The following N4BP1 variants were observed in gnomAD, a reference collection of about 807,000 sequenced individuals.
N4BP1 encodes NEDD4 binding protein 1.
N4BP1 carries 21 observed loss-of-function variants against 70.9 expected under a neutral mutation model. That is an observed-to-expected ratio of 0.30 (90% CI 0.21 to 0.43). N4BP1 has a LOEUF of 0.43. Ranked by LOEUF, N4BP1 falls within the 20% of genes least tolerant of loss-of-function variation. The pLI is 1.00. For missense variants in N4BP1, 936 were observed against 1,069.4 expected, an observed-to-expected ratio of 0.88 and a Z score of 1.74; for synonymous variants, 387 against 394.6, an observed-to-expected ratio of 0.98 and a Z score of 0.23.
intron 1 of N4BP1, among the ~76,000 whole-genome samples, chr16:48,589,397 C>G (rs961447705): frequency 6.6e-6 from 1 of 152,072 alleles, no homozygotes; most frequent in African/African-American, 2.4e-5. Context: ...TAATCAATCA[C>G]GCCTATGTAA....
Position 48,548,065 on chromosome 16 carries a change from C to T in N4BP1, c.2167G>A (p.Asp723Asn). The T allele has an allele frequency of 6.2e-7, 1 of 1,612,986 alleles. No homozygotes were observed. Among genetic ancestry groups the T allele is most frequent in the Non-Finnish European group, 8.5e-7 (1 of 1,178,970 alleles). ...DKTGGIIVTN[D>N]NFREFVNESV... is the part of the protein sequence containing the mutation. The stretch of plus-strand genomic sequence containing the variant: ...TCATTCACAAATTCTCTGAAATTAT[C>T]ATTTGTCACAATTATGCCACCAGTT... Residue 723 changes from aspartate (D) to asparagine (N), a missense_variant, in exon 5 of 7, where the codon GAT becomes AAT. Transcript: ENST00000262384.
intron 1 of N4BP1, among the ~76,000 whole-genome samples, chr16:48,598,438 C>T (rs1008718391): frequency 3.9e-5 from 6 of 151,982 alleles, no homozygotes; most frequent in Non-Finnish European, 7.4e-5. Flanking sequence ...GTAAAAAAAT[C>T]ATTGATAGGG....
At chr16:48,552,284 C>A (rs1217100499) in intron 3 of N4BP1, among the ~76,000 whole-genome samples, 1 of 152,054 alleles carries the variant, frequency 6.6e-6, no homozygotes, top group Non-Finnish European at 1.5e-5. Context: ...GTCAAAGCTA[C>A]ATTTTAGAAA....
At chr16:48,564,737 G>T (rs1312318293) in intron 1 of N4BP1, among the ~76,000 whole-genome samples, 2 of 152,154 alleles carry the variant, frequency 1.3e-5, no homozygotes, top group African/African-American at 4.8e-5. Flanking sequence ...ACAATTATGT[G>T]TCAGCAAGTG....
At chr16:48,566,835 A>G (rs1478879209) in intron 1 of N4BP1, among the ~76,000 whole-genome samples, 1 of 152,202 alleles carries the variant, frequency 6.6e-6, no homozygotes, top group Non-Finnish European at 1.5e-5. Flanking sequence ...TGGATTTATC[A>G]AGTTCTCCTT....
At chr16:48,544,224 C>A (rs1383019155) in intron 6 of N4BP1, among the ~76,000 whole-genome samples, 2 of 152,210 alleles carry the variant, frequency 1.3e-5, no homozygotes, top group African/African-American at 4.8e-5. Flanking sequence ...TGTCATAAAA[C>A]CCAAAGGCTC....
At position 48,539,730 on chromosome 16, in the gene N4BP1, GA is replaced by G. The variant is rs1335283164; in HGVS notation, c.*3173del. The G allele has an allele frequency of 6.6e-6, 1 of 152,484 alleles. No homozygotes were observed. Among genetic ancestry groups the G allele is most frequent in the African/African-American group, 2.4e-5 (1 of 41,580 alleles). The allele number at this position is 152,484 out of a possible 1,614,324, so 9.4% of individuals were successfully genotyped here. A position where few individuals can be genotyped will look rare whatever the true frequency, so the allele number is the denominator to read the frequency against. Reference sequence around the variant, plus strand: ...CACCACCACGAGCCCCAAAGGTGGGGAAAAGTCTGCAAGCCACCTGCAGAGG... The same window carrying G: ...CACCACCACGAGCCCCAAAGGTGGGGAAAGTCTGCAAGCCACCTGCAGAGG... On this transcript the variant is annotated 3_prime_UTR_variant, in exon 7 of 7. Coordinates refer to ENST00000262384, the MANE Select transcript of N4BP1 (RefSeq NM_153029.4).
In N4BP1 at chr16:48,562,063, C is replaced by G; in HGVS notation, c.580G>C (p.Glu194Gln). The G allele has an allele frequency of 6.2e-7, 1 of 1,613,588 alleles. No individual in the cohort carries two copies. The change falls in exon 2 of 7, where the codon GAG becomes CAG. Residue 194 changes from glutamate (E) to glutamine (Q), a missense_variant. Coordinates refer to ENST00000262384, the MANE Select transcript of N4BP1 (RefSeq NM_153029.4). ...KELLTLTQGE[E>Q]NLFETGDDEV... ...TCATCTCCTGTTTCAAAGAGATTCTCCTCACCTTGTGTGAGTGTCAAAAGT... is the reference window on the plus strand; with the variant it reads ...TCATCTCCTGTTTCAAAGAGATTCTGCTCACCTTGTGTGAGTGTCAAAAGT...
In N4BP1 at chr16:48,561,873, C is replaced by G; in HGVS notation, c.770G>C (p.Ser257Thr). 1 of 1,613,892 alleles carries G rather than the reference C, an allele frequency of 6.2e-7. No individual in the cohort carries two copies. The highest frequency in any genetic ancestry group is 1.1e-5 in the South Asian group (1 of 91,082). ...LTKQMDTVLS[S>T]SPDVLFDPIN... ...TGGATCAAAAAGCACATCTGGTGAG[C>G]TAGAAAGGACTGTGTCCATTTGTTT... Residue 257 changes from serine (S) to threonine (T), a missense_variant, in exon 2 of 7, where the codon AGC (serine) becomes ACC (threonine). Coordinates refer to ENST00000262384, the MANE Select transcript of N4BP1 (RefSeq NM_153029.4).
intron 1 of N4BP1, among the ~76,000 whole-genome samples, chr16:48,570,280 T>C (rs1197424926): frequency 6.6e-6 from 1 of 152,164 alleles, no homozygotes; most frequent in Non-Finnish European, 1.5e-5. Context: ...GGTGGAGCTG[T>C]GTTGTGTTCA....
chr16:48,552,436 C>T (rs1597092209), intron 3 of N4BP1, among the ~76,000 whole-genome samples: 1 of 151,388 alleles, frequency 6.6e-6, no homozygotes, highest in African/African-American at 2.4e-5. Flanking sequence ...GTGGTGGCTC[C>T]TGCCTGTAAT....
chr16:48,606,230 C>A (rs1964580626), intron 1 of N4BP1, among the ~76,000 whole-genome samples: 1 of 152,068 alleles, frequency 6.6e-6, no homozygotes. Flanking sequence ...CCCCTAAATC[C>A]CTACATCCAC....
intron 1 of N4BP1, chr16:48,600,155 G>A: frequency 3.8e-6 from 2 of 522,354 alleles, no homozygotes; most frequent in Non-Finnish European, 7.0e-6. Context: ...GACCCATGCA[G>A]GTTTAACATG....
At position 48,585,312 on chromosome 16, in the gene N4BP1, A is replaced by G. The variant is rs1404860272; in HGVS notation, c.199-22868T>C. Among the ~76,000 whole-genome samples the G allele has an allele frequency of 7.2e-5, 11 of 152,084 alleles. No homozygotes were observed. In the East Asian group the frequency reaches 2.1e-3, roughly 29 times the overall value. On this transcript the variant is annotated intron_variant, in intron 1 of 6. Coordinates refer to ENST00000262384, the MANE Select transcript of N4BP1 (RefSeq NM_153029.4). The stretch of plus-strand genomic sequence containing the variant: ...ACTGGCTTACTGATTAGGTAAGCTA[A>G]TATTACTCATATATATTTATGATTA...
chr16:48,600,234 G>T (rs773651921), intron 1 of N4BP1: 2 of 825,116 alleles, frequency 2.4e-6, no homozygotes, highest in South Asian at 1.3e-5. Flanking sequence ...CATCCGCAAC[G>T]ACTGAAAGGT....
At chr16:48,566,575 G>A (rs1361010563) in intron 1 of N4BP1, among the ~76,000 whole-genome samples, 1 of 152,082 alleles carries the variant, frequency 6.6e-6, no homozygotes, top group East Asian at 1.9e-4. Context: ...TCAAAACACT[G>A]TATGATTTCA....
chr16:48,586,999 A>G (rs1057151806), intron 1 of N4BP1: 1 of 152,170 alleles, frequency 6.6e-6, no homozygotes, highest in African/African-American at 2.4e-5. Flanking sequence ...TATGTACTGT[A>G]CCTCAATAGA....
chr16:48,569,591 C>T (rs11641510), intron 1 of N4BP1, among the ~76,000 whole-genome samples: 36,851 of 151,954 alleles, frequency 0.24, 4,821 homozygotes, highest in Admixed American at 0.34. Context: ...AGGGTTTCTC[C>T]ATGTTGCCCA....
At chr16:48,551,084 T>A (rs1274933320) in intron 4 of N4BP1, among the ~76,000 whole-genome samples, 1 of 152,152 alleles carries the variant, frequency 6.6e-6, no homozygotes, top group Non-Finnish European at 1.5e-5. Flanking sequence ...TTTGAAACCA[T>A]TTTCAAGCCT....
Sources: gnomAD v4.1 joint callset for allele counts (sites outside exome capture counted in the v4.1 genomes callset) on GRCh38, gnomAD v4.1.1 for gene constraint, MANE v1.5 for transcripts, NCBI Gene and HGNC (gene_info 2026-07-23, HGNC 2026-07-21) for gene names.